Variants in TRIM66 observed in about 807,000 individuals in gnomAD.
TRIM66 encodes tripartite motif-containing protein 66.
TRIM66 carries 99 observed loss-of-function variants against 148.2 expected under a neutral mutation model. That is an observed-to-expected ratio of 0.67 (90% confidence interval 0.57 to 0.79). The LOEUF is 0.79. Among genes scored for constraint, TRIM66 ranks in the 30% least tolerant of loss-of-function variants. The pLI is 0.00. For synonymous variants in TRIM66, 616 were observed against 635.9 expected, an observed-to-expected ratio of 0.97 and a Z score of 0.47; for missense variants, 1,666 against 1,697.9, an observed-to-expected ratio of 0.98 and a Z score of 0.33.
At chr11:8,649,190 T>C (rs2037129991) in intron 8 of TRIM66, among the ~76,000 whole-genome samples, 1 of 152,034 alleles carries the variant, frequency 6.6e-6, no homozygotes, top group Admixed American at 6.5e-5. Context: ...ACTACAAACA[T>C]TAGCTGGGCG....
chr11:8,643,776 G>A (rs1466005423), intron 12 of TRIM66, among the ~76,000 whole-genome samples: 1 of 152,108 alleles, frequency 6.6e-6, no homozygotes, highest in East Asian at 1.9e-4. Context: ...CATTGTCTGA[G>A]CTCCCCATTG....
chr11:8,672,534 G>C, intron 4 of TRIM66, 149 bp from the exon 5 acceptor site: 1 of 838,470 alleles, frequency 1.2e-6, no homozygotes, highest in Non-Finnish European at 1.7e-6. Flanking sequence ...GTGTTAGAGA[G>C]GCTGGGTCAC....
rs907642437 is a variant in TRIM66 at position 8,648,061 on chromosome 11, G to A, written c.751C>T (p.Gln251Ter). 1.3e-6 allele frequency: 2 copies of A among 1,551,546 alleles called. No individual in the cohort carries two copies. The highest frequency in any genetic ancestry group is 2.7e-5 in the African/African-American group (2 of 73,036). ...HRCRHVEEVL[Q>*]NQRMLLEGVT... ...CCTTCCAGAAGCATCCTCTGGTTTTGCAAAACTTCTTCAACATGTCTGCAC... is the reference window on the plus strand; with the variant it reads ...CCTTCCAGAAGCATCCTCTGGTTTTACAAAACTTCTTCAACATGTCTGCAC... Residue 251 changes from glutamine (Q) to a stop codon, truncating the protein, a stop_gained, in exon 10 of 25, where the codon CAA becomes TAA. Transcript: ENST00000646038. LOFTEE classifies it high-confidence loss of function.
chr11:8,656,696 G>GT (rs1028203056), intron 6 of TRIM66, among the ~76,000 whole-genome samples: 1 of 152,196 alleles, frequency 6.6e-6, no homozygotes, highest in Non-Finnish European at 1.5e-5. Flanking sequence ...GTACAACCAA[G>GT]TTTGAGACCC....
At position 8,615,495 on chromosome 11, in the gene TRIM66, G is replaced by A. The variant is rs1179442731; in HGVS notation, c.*2449C>T. On this transcript the variant is annotated 3_prime_UTR_variant, in exon 25 of 25. Transcript: ENST00000646038. ...GGATCAGCCCAAATGTTAATGAAGA[G>A]CCTCTGCAGGCAGTCACTTGGCTAG... 6 of 151,912 alleles carry A rather than the reference G, an allele frequency of 3.9e-5. No individual in the cohort carries two copies. In the East Asian group the frequency reaches 1.2e-3, roughly 29 times the overall value. The allele number at this position is 151,912 out of a possible 1,614,324, so 9.4% of individuals were successfully genotyped here.
At chr11:8,627,232 A>G (rs1341359014) in intron 15 of TRIM66, among the ~76,000 whole-genome samples, 1 of 152,176 alleles carries the variant, frequency 6.6e-6, no homozygotes, top group Non-Finnish European at 1.5e-5. Context: ...CTGGATGAAT[A>G]AATGAATTAA....
chr11:8,643,158 G>A, intron 12 of TRIM66, 32 bp from the exon 13 acceptor site: 2 of 1,531,138 alleles, frequency 1.3e-6, no homozygotes, highest in Non-Finnish European at 8.8e-7. Flanking sequence ...ATTTATTTGG[G>A]CATCTTGCAC....
chr11:8,635,201 TG>T (rs2142018163), intron 15 of TRIM66, among the ~76,000 whole-genome samples: 1 of 152,268 alleles, frequency 6.6e-6, no homozygotes, highest in Non-Finnish European at 1.5e-5. Context: ...CATTGCCCAA[TG>T]GGTTGGCTGC....
chr11:8,617,685 A>G lies in TRIM66; in HGVS notation c.*259T>C, dbSNP rs2033808284. 6.6e-6 allele frequency: 3 copies of G among 457,782 alleles called. No homozygotes were observed. Among genetic ancestry groups the G allele is most frequent in the Non-Finnish European group, 1.2e-5 (3 of 259,710 alleles). The allele number at this position is 457,782 out of a possible 1,614,324, so 28.4% of individuals were successfully genotyped here. A position where few individuals can be genotyped will look rare whatever the true frequency, so the allele number is the denominator to read the frequency against. On this transcript the variant is annotated 3_prime_UTR_variant, in exon 25 of 25. Transcript: ENST00000646038. ...AGCCTAACCAGGTGTGGTCTTGTCA[A>G]GTGGAGCCTATACATCTGATTACTC...
chr11:8,628,612 C>CA (rs750649249), intron 15 of TRIM66, among the ~76,000 whole-genome samples: 11,172 of 80,460 alleles, frequency 0.14, 1,195 homozygotes, highest in East Asian at 0.24. Flanking sequence ...GACCCTGTCT[C>CA]AAAAAAAAAA....
intron 20 of TRIM66, 96 bp from the exon 21 acceptor site, chr11:8,620,668 C>G (rs939402162): frequency 2.0e-6 from 3 of 1,477,130 alleles, no homozygotes; most frequent in Non-Finnish European, 1.8e-6. Flanking sequence ...GAAACTGAGT[C>G]TCCGGCTTTG....
At chr11:8,625,505 G>A (rs1203739839) in intron 15 of TRIM66, among the ~76,000 whole-genome samples, 5 of 151,604 alleles carry the variant, frequency 3.3e-5, no homozygotes, top group Non-Finnish European at 2.9e-5. Flanking sequence ...CACAGCAAGA[G>A]TGAGAAGGAG....
At chr11:8,628,557 G>A (rs2035073405) in intron 15 of TRIM66, among the ~76,000 whole-genome samples, 1 of 143,342 alleles carries the variant, frequency 7.0e-6, no homozygotes, top group Non-Finnish European at 1.5e-5. Flanking sequence ...AGACTGCAGT[G>A]AGCCAAGATC....
At chr11:8,678,408 G>C (rs756317615) in intron 3 of TRIM66, among the ~76,000 whole-genome samples, 6 of 152,116 alleles carry the variant, frequency 3.9e-5, no homozygotes, top group Admixed American at 2.6e-4. Flanking sequence ...GAATACAAAA[G>C]GATTTGTATA....
chr11:8,660,967 A>T (rs1384071387), intron 6 of TRIM66, among the ~76,000 whole-genome samples: 4 of 152,280 alleles, frequency 2.6e-5, no homozygotes, highest in Non-Finnish European at 5.9e-5. Context: ...GGACCAGATT[A>T]TGAAAAGACT....
chr11:8,681,175 C>T (rs2039401677), intron 1 of TRIM66, among the ~76,000 whole-genome samples: 1 of 151,384 alleles, frequency 6.6e-6, no homozygotes, highest in Non-Finnish European at 1.5e-5. Flanking sequence ...GTTCTGTCGC[C>T]CAGGCTGCAG....
At position 8,638,823 on chromosome 11, in the gene TRIM66, A is replaced by T. The variant is rs1476316439; in HGVS notation, c.2149-8T>A. The T allele has an allele frequency of 6.5e-7, 1 of 1,549,628 alleles. No homozygotes were observed. The highest frequency in any genetic ancestry group is 8.7e-7 in the Non-Finnish European group (1 of 1,146,512). On this transcript the variant is annotated splice_region_variant and splice_polypyrimidine_tract_variant and intron_variant, in intron 14 of 24. Coordinates refer to ENST00000646038, the MANE Select transcript of TRIM66 (RefSeq NM_001388022.1). Reference sequence around the variant, plus strand: ...TGGGGGCTCATCTGTAGCCTGGAGAAGAAAATAAGAACTTGGGTGGGTTTT... The same window carrying T: ...TGGGGGCTCATCTGTAGCCTGGAGATGAAAATAAGAACTTGGGTGGGTTTT...
At chr11:8,665,561 T>C (rs1375804269) in intron 6 of TRIM66, among the ~76,000 whole-genome samples, 2 of 152,188 alleles carry the variant, frequency 1.3e-5, no homozygotes, top group Non-Finnish European at 2.9e-5. Context: ...CTAAATGCCA[T>C]ACAGCCTGGT....
At chr11:8,625,384 A>G (rs1042496716) in intron 15 of TRIM66, among the ~76,000 whole-genome samples, 156 bp from the exon 16 acceptor site, 2 of 152,072 alleles carry the variant, frequency 1.3e-5, no homozygotes, top group Non-Finnish European at 2.9e-5. Context: ...CAGGCAATGC[A>G]TGAAGCCCTG....
Sources: allele counts gnomAD v4.1 joint callset (sites outside exome capture counted in the v4.1 genomes callset), GRCh38; gene constraint gnomAD v4.1.1; transcripts MANE v1.5; gene names NCBI Gene and HGNC (gene_info 2026-07-23, HGNC 2026-07-21).